Variants in KIRREL3 observed in about 807,000 individuals in gnomAD.
The protein encoded by KIRREL3 is kin of IRRE-like protein 3.
A neutral mutation model predicts 89.7 loss-of-function variants in KIRREL3; 36 were observed. The observed-to-expected ratio is 0.40, with a 90% CI of 0.31 to 0.53. The LOEUF is 0.53. Among genes scored for constraint, KIRREL3 ranks in the 20% least tolerant of loss-of-function variants. KIRREL3 has a pLI of 0.49. For missense variants in KIRREL3, 864 were observed against 1,056.6 expected (o/e 0.82, Z 2.53); for synonymous variants, 445 against 441.4 (o/e 1.01, Z -0.10).
intron 13 of KIRREL3, among the ~76,000 whole-genome samples, chr11:126,433,105 C>A (rs182013457): frequency 5.4e-3 from 822 of 152,302 alleles, no homozygotes; most frequent in Middle Eastern, 0.01. Flanking sequence ...TCTCAAACTC[C>A]TGACCTCAGG....
intron 1 of KIRREL3, among the ~76,000 whole-genome samples, chr11:126,986,044 T>TC (rs1278844331): frequency 2.6e-5 from 4 of 152,046 alleles, no homozygotes; most frequent in African/African-American, 9.7e-5. Context: ...CCTGTGCCTT[T>TC]CCCCCTTCCT....
At position 126,708,179 on chromosome 11, in the gene KIRREL3, C is replaced by A. The variant is rs115428011; in HGVS notation, c.56-145267G>T. 6.6e-6 allele frequency among the ~76,000 whole-genome samples: 1 copy of A among 152,138 alleles called. No individual in the cohort carries two copies. Among genetic ancestry groups the A allele is most frequent in the Non-Finnish European group, 1.5e-5 (1 of 68,028 alleles). ...CTCCCTGGTCAGGCGGTATTCATGC[C>A]GCCTGGAAACTCATCTGCCTGTGCC... On this transcript the variant is annotated intron_variant, in intron 1 of 16. Coordinates refer to ENST00000525144, the MANE Select transcript of KIRREL3 (RefSeq NM_032531.4). The surrounding 1 kb of genome is among the most constrained non-coding windows in gnomAD (Gnocchi z 5.7).
chr11:126,772,537 C>T lies in KIRREL3; in HGVS notation c.56-209625G>A, dbSNP rs1158314436. Among the ~76,000 whole-genome samples the T allele has an allele frequency of 1.3e-5, 2 of 152,160 alleles. No homozygotes were observed. The highest frequency in any genetic ancestry group is 2.9e-5 in the Non-Finnish European group (2 of 68,022). ...GTGTGTGACATGTGTGTTTCACCTC[C>T]GGAGTCAGTCAATGTGGCTCACAGA... On this transcript the variant is annotated intron_variant, in intron 1 of 16. Coordinates refer to ENST00000525144, the MANE Select transcript of KIRREL3 (RefSeq NM_032531.4). The surrounding 1 kb of genome is among the most constrained non-coding windows in gnomAD (Gnocchi z 4.6).
chr11:126,497,430 CT>C (rs956605997), intron 4 of KIRREL3, among the ~76,000 whole-genome samples: 1 of 152,184 alleles, frequency 6.6e-6, no homozygotes, highest in African/African-American at 2.4e-5. Context: ...AAAGGGAGGC[CT>C]TTCCGGTAAT....
intron 1 of KIRREL3, among the ~76,000 whole-genome samples, chr11:126,928,763 T>C (rs950689897): frequency 6.6e-6 from 1 of 152,154 alleles, no homozygotes; most frequent in Non-Finnish European, 1.5e-5. Context: ...TTGGTTTGTT[T>C]TGTTGATTGG....
chr11:126,825,527 G>A (rs959648269), intron 1 of KIRREL3, among the ~76,000 whole-genome samples: 2 of 152,136 alleles, frequency 1.3e-5, no homozygotes, highest in African/African-American at 4.8e-5. Context: ...TGAGATTTCT[G>A]CAAAAACATT....
At chr11:126,671,566 TC>T in intron 1 of KIRREL3, among the ~76,000 whole-genome samples, 1 of 151,416 alleles carries the variant, frequency 6.6e-6, no homozygotes, top group Middle Eastern at 3.4e-3. Context: ...ATACCAAGAA[TC>T]CTGAAAACTC....
At chr11:126,888,405 T>C (rs1330929453) in intron 1 of KIRREL3, among the ~76,000 whole-genome samples, 2 of 148,262 alleles carry the variant, frequency 1.3e-5, no homozygotes, top group Non-Finnish European at 2.9e-5. Flanking sequence ...TGCCAGATTC[T>C]TACCAGGCTG....
chr11:126,499,321 C>A (rs761343858), intron 4 of KIRREL3, among the ~76,000 whole-genome samples: 4 of 152,106 alleles, frequency 2.6e-5, no homozygotes, highest in Non-Finnish European at 5.9e-5. Flanking sequence ...GGGACTTCCC[C>A]TTTCTTTTTC....
intron 6 of KIRREL3, among the ~76,000 whole-genome samples, chr11:126,460,121 G>T (rs1197948790): frequency 6.7e-6 from 1 of 149,678 alleles, no homozygotes; most frequent in Non-Finnish European, 1.5e-5. Flanking sequence ...GGAGGAGGGG[G>T]AAGGGGGGAG....
Position 126,978,456 on chromosome 11 carries a change from C to T in KIRREL3, c.55+21999G>A, listed in dbSNP as rs1278245361. Among the ~76,000 whole-genome samples, 2 of 152,176 alleles carry T rather than the reference C, an allele frequency of 1.3e-5. No individual in the cohort carries two copies. Among genetic ancestry groups the T allele is most frequent in the Non-Finnish European group, 2.9e-5 (2 of 68,034 alleles). On this transcript the variant is annotated intron_variant, in intron 1 of 16. Coordinates refer to ENST00000525144, the MANE Select transcript of KIRREL3 (RefSeq NM_032531.4). The surrounding 1 kb of genome is among the most constrained non-coding windows in gnomAD (Gnocchi z 4.2). ...TCCTAAAGGAAAGTCCCCTGGTAAC[C>T]TCAAACAGGTTGCTCCCTCTATCAT... is the stretch of plus-strand genomic sequence containing the variant.
At chr11:126,818,615 AGTAGTAGTAGTGT>A (rs201662729) in intron 1 of KIRREL3, among the ~76,000 whole-genome samples, 33,246 of 127,516 alleles carry the variant, frequency 0.26, 4,211 homozygotes, top group Non-Finnish European at 0.34. Flanking sequence ...TAGTAGTAGT[AGTAGTAGTAGTGT>A]GTGTGTGTGT....
intron 2 of KIRREL3, among the ~76,000 whole-genome samples, chr11:126,536,227 T>A (rs541745904): frequency 6.6e-6 from 1 of 152,236 alleles, no homozygotes; most frequent in East Asian, 1.9e-4. Flanking sequence ...CTGGTTCGTC[T>A]TTGGGGTCCA....
At chr11:126,581,940 G>C (rs1274625259) in intron 1 of KIRREL3, among the ~76,000 whole-genome samples, 2 of 152,160 alleles carry the variant, frequency 1.3e-5, no homozygotes, top group Non-Finnish European at 2.9e-5. Flanking sequence ...TGACCTCCTG[G>C]ATCCCTAGTT....
chr11:126,923,187 C>CT (rs1555090325), intron 1 of KIRREL3, among the ~76,000 whole-genome samples: 3,422 of 23,652 alleles, frequency 0.14, 996 homozygotes, highest in African/African-American at 0.18. Context: ...TCTTCTTCTT[C>CT]TCTTCTTCTT....
chr11:126,879,408 C>G lies in KIRREL3; in HGVS notation c.55+121047G>C, dbSNP rs375556841. Among the ~76,000 whole-genome samples, 1 of 152,162 alleles carries G rather than the reference C, an allele frequency of 6.6e-6. No homozygotes were observed. Among genetic ancestry groups the G allele is most frequent in the Non-Finnish European group, 1.5e-5 (1 of 68,038 alleles). ...TCTTTTTTGTGGCAGCCAGCTGTAC[C>G]GGAGAAGCAGCTGATGAGGTTGCAG... is the stretch of plus-strand genomic sequence containing the variant. On this transcript the variant is annotated intron_variant, in intron 1 of 16. Transcript: ENST00000525144. This position sits in a 1 kb window ranked among gnomAD's most constrained non-coding sequence, Gnocchi z 5.4.
chr11:126,450,028 A>G (rs149553770), intron 7 of KIRREL3, among the ~76,000 whole-genome samples: 2 of 152,344 alleles, frequency 1.3e-5, no homozygotes, highest in East Asian at 3.9e-4. Flanking sequence ...AGGGGAGGAC[A>G]GGAGGCCTCT....
chr11:126,761,782 T>A lies in KIRREL3; in HGVS notation c.56-198870A>T, dbSNP rs1006165792. Reference sequence around the variant, plus strand: ...GAGCTGCACTAGTTTGTCTTGGTTTTATCTTCATTCCTATGAACTCTCTTG... The same window carrying A: ...GAGCTGCACTAGTTTGTCTTGGTTTAATCTTCATTCCTATGAACTCTCTTG... On this transcript the variant is annotated intron_variant, in intron 1 of 16. Coordinates refer to ENST00000525144, the MANE Select transcript of KIRREL3 (RefSeq NM_032531.4). This position sits in a 1 kb window ranked among gnomAD's most constrained non-coding sequence, Gnocchi z 4.4. 6.6e-6 allele frequency among the ~76,000 whole-genome samples: 1 copy of A among 152,242 alleles called. No homozygotes were observed. The highest frequency in any genetic ancestry group is 2.4e-5 in the African/African-American group (1 of 41,466).
In KIRREL3 at chr11:126,904,576, C is replaced by T. The variant is rs573548032; in HGVS notation, c.55+95879G>A. Among the ~76,000 whole-genome samples, 73 of 152,336 alleles carry T rather than the reference C, an allele frequency of 4.8e-4. No homozygotes were observed. The highest frequency in any genetic ancestry group is 3.4e-3 in the Middle Eastern group (1 of 294). On this transcript the variant is annotated intron_variant, in intron 1 of 16. Coordinates refer to ENST00000525144, the MANE Select transcript of KIRREL3 (RefSeq NM_032531.4). The surrounding 1 kb of genome is among the most constrained non-coding windows in gnomAD (Gnocchi z 4.4). ...TAGCTCAGCTGCTGATGGCTTCCTA[C>T]TAATGACTTTAAATACATGTTTTTG...
Sources: allele counts gnomAD v4.1 joint callset (sites outside exome capture counted in the v4.1 genomes callset), GRCh38; gene constraint gnomAD v4.1.1; non-coding constraint Gnocchi (gnomAD v3.1); transcripts MANE v1.5; gene names NCBI Gene and HGNC (gene_info 2026-07-23, HGNC 2026-07-21).